Variants in MGAT4C observed in about 807,000 individuals in gnomAD.
MGAT4C encodes alpha-1,3-mannosyl-glycoprotein 4-beta-N-acetylglucosaminyltransferase C.
Under a neutral mutation model 40.1 loss-of-function variants are expected in MGAT4C, and 19 were observed. That is an observed-to-expected ratio of 0.47 (90% CI 0.33 to 0.70). MGAT4C has a LOEUF of 0.70. Ranked by LOEUF, MGAT4C falls within the 30% of genes least tolerant of loss-of-function variation. MGAT4C has a pLI of 0.02. For missense variants in MGAT4C, 491 were observed against 563.2 expected (o/e 0.87, Z 1.30); for synonymous variants, 181 against 187.1 (o/e 0.97, Z 0.27).
chr12:86,138,477 C>CCATATATATATTTCCATATATATGT (rs1882305271), intron 1 of MGAT4C, among the ~76,000 whole-genome samples: 1 of 125,058 alleles, frequency 8.0e-6, no homozygotes, highest in African/African-American at 2.9e-5. Flanking sequence ...CCATATATAT[C>CCATATATATATTTCCATATATATGT]CATATATATA....
chr12:86,240,076 A>G (rs1951720431), intron 1 of MGAT4C, among the ~76,000 whole-genome samples: 1 of 151,264 alleles, frequency 6.6e-6, no homozygotes, highest in Admixed American at 6.6e-5. Flanking sequence ...TTATATCTCT[A>G]ATGCCTATTC....
At chr12:86,099,706 T>C (rs1874613895) in intron 1 of MGAT4C, among the ~76,000 whole-genome samples, 1 of 151,490 alleles carries the variant, frequency 6.6e-6, no homozygotes, top group Non-Finnish European at 1.5e-5. Flanking sequence ...ATATTTGTTG[T>C]TTATTTTGTT....
chr12:86,034,749 G>T (rs1891070873), intron 2 of MGAT4C, among the ~76,000 whole-genome samples: 2 of 148,880 alleles, frequency 1.3e-5, no homozygotes, highest in Non-Finnish European at 3.0e-5. Context: ...ACCCCAACAG[G>T]TTCCGGTGTG....
intron 1 of MGAT4C, among the ~76,000 whole-genome samples, chr12:86,741,876 T>G (rs1164492665): frequency 4.6e-5 from 7 of 151,390 alleles, no homozygotes; most frequent in Non-Finnish European, 8.9e-5. Context: ...ATTTAACTCC[T>G]CCATAGTTTT....
chr12:86,771,441 T>C (rs965750178), intron 1 of MGAT4C, among the ~76,000 whole-genome samples: 1 of 152,024 alleles, frequency 6.6e-6, no homozygotes, highest in African/African-American at 2.4e-5. Flanking sequence ...CTTGGAAAGA[T>C]TGATGGTAGA....
intron 2 of MGAT4C, among the ~76,000 whole-genome samples, chr12:86,466,875 T>C (rs1019134726): frequency 2.0e-5 from 3 of 152,210 alleles, no homozygotes; most frequent in African/African-American, 4.8e-5. Context: ...TTCTACATGA[T>C]GCTTAATATT....
chr12:86,603,222 T>A (rs1355696449), intron 2 of MGAT4C, among the ~76,000 whole-genome samples: 1 of 143,670 alleles, frequency 7.0e-6, no homozygotes, highest in African/African-American at 2.5e-5. Context: ...TATAGTATAA[T>A]ATAATATAAT....
intron 2 of MGAT4C, among the ~76,000 whole-genome samples, chr12:86,449,836 T>C (rs1957395383): frequency 1.3e-5 from 2 of 152,150 alleles, no homozygotes; most frequent in African/African-American, 4.8e-5. Flanking sequence ...CATTCCAAAT[T>C]TGATGGAAAT....
chr12:86,018,661 A>G (rs1464691052), intron 2 of MGAT4C, among the ~76,000 whole-genome samples: 1 of 152,180 alleles, frequency 6.6e-6, no homozygotes, highest in Non-Finnish European at 1.5e-5. Flanking sequence ...GTAAGAGCAC[A>G]TGTAATTGTT....
intron 1 of MGAT4C, among the ~76,000 whole-genome samples, chr12:86,129,070 GCTGA>G (rs932919380): frequency 1.3e-5 from 2 of 152,122 alleles, no homozygotes; most frequent in African/African-American, 4.8e-5. Context: ...AATGGGATAT[GCTGA>G]CTGACTTTGG....
rs1309922916 is a variant in MGAT4C at position 85,967,938 on chromosome 12, T to C, written c.*11351A>G. 6.6e-6 allele frequency: 1 copy of C among 152,042 alleles called. No homozygotes were observed. 9.4% of individuals were successfully genotyped at this position (152,042 alleles called of 1,614,324 possible). ...ATCTCTATGTAAATACATTATTTCA[T>C]TTGTGGAAATATATTGAGGCCTATA... is the stretch of plus-strand genomic sequence containing the variant. On this transcript the variant is annotated 3_prime_UTR_variant, in exon 5 of 5. Coordinates refer to ENST00000611864, the MANE Select transcript of MGAT4C (RefSeq NM_001351288.2).
At position 85,972,428 on chromosome 12, in the gene MGAT4C, T is replaced by C. The variant is rs543869581; in HGVS notation, c.*6861A>G. ...ATGCCCTTTTGAAAATTGAGACTGA[T>C]TTCTAAAACAAAAAAAAAGACTTTA... On this transcript the variant is annotated 3_prime_UTR_variant, in exon 5 of 5. Coordinates refer to ENST00000611864, the MANE Select transcript of MGAT4C (RefSeq NM_001351288.2). 1 of 151,110 alleles carries C rather than the reference T, an allele frequency of 6.6e-6. No individual in the cohort carries two copies. The highest frequency in any genetic ancestry group is 2.1e-4 in the South Asian group (1 of 4,818). The allele number at this position is 151,110 out of a possible 1,614,324, so 9.4% of individuals were successfully genotyped here.
chr12:86,066,112 A>G (rs1280700013), intron 1 of MGAT4C, among the ~76,000 whole-genome samples: 1 of 152,148 alleles, frequency 6.6e-6, no homozygotes, highest in South Asian at 2.1e-4. Flanking sequence ...AAGAATCAAT[A>G]TCGTGAAAAT....
intron 2 of MGAT4C, among the ~76,000 whole-genome samples, chr12:86,619,522 T>C (rs1283186811): frequency 2.0e-5 from 3 of 152,154 alleles, no homozygotes; most frequent in African/African-American, 7.2e-5. Context: ...AGTGATATTA[T>C]GCTTCTCAAT....
intron 3 of MGAT4C, among the ~76,000 whole-genome samples, chr12:86,376,057 T>C (rs1955815654): frequency 6.6e-6 from 1 of 151,994 alleles, no homozygotes; most frequent in Non-Finnish European, 1.5e-5. Context: ...TAATTATTTG[T>C]CTACATTACA....
intron 1 of MGAT4C, among the ~76,000 whole-genome samples, chr12:86,231,114 T>G (rs1209389109): frequency 6.6e-6 from 1 of 152,172 alleles, no homozygotes; most frequent in Non-Finnish European, 1.5e-5. Flanking sequence ...AGACATAATG[T>G]GTTAGAAATC....
intron 2 of MGAT4C, among the ~76,000 whole-genome samples, chr12:86,029,742 T>G (rs1890569269): frequency 6.6e-6 from 1 of 151,944 alleles, no homozygotes; most frequent in Non-Finnish European, 1.5e-5. Context: ...TGAGGAACTT[T>G]ACAGGATAGA....
intron 3 of MGAT4C, among the ~76,000 whole-genome samples, chr12:86,394,400 T>C (rs975272328): frequency 2.7e-5 from 4 of 150,766 alleles, no homozygotes; most frequent in Admixed American, 1.3e-4. Context: ...GTATGCTCCA[T>C]TGATATTAGT....
At chr12:86,249,913 C>CT (rs1952197430) in intron 1 of MGAT4C, among the ~76,000 whole-genome samples, 1 of 152,152 alleles carries the variant, frequency 6.6e-6, no homozygotes, top group African/African-American at 2.4e-5. Context: ...CCTGAGCACT[C>CT]TGTGCATATC....
Sources: allele counts gnomAD v4.1 joint callset (sites outside exome capture counted in the v4.1 genomes callset), GRCh38; gene constraint gnomAD v4.1.1; transcripts MANE v1.5; gene names NCBI Gene and HGNC (gene_info 2026-07-23, HGNC 2026-07-21).